Variants in BCL2 observed in about 807,000 individuals in gnomAD.
BCL2 encodes apoptosis regulator Bcl-2.
Under a neutral mutation model 14.2 loss-of-function variants are expected in BCL2, and 1 was observed. The observed-to-expected ratio is 0.07, with a 90% confidence interval of 0.02 to 0.33. The LOEUF (loss-of-function observed/expected upper bound fraction) is 0.33, where lower values mean the gene tolerates loss of function less well. Ranked by LOEUF, BCL2 falls within the 10% of genes least tolerant of loss-of-function variation. The probability of loss-of-function intolerance (pLI) is 0.99; values close to 1 mark genes in which losing one functional copy is unlikely to be tolerated. For synonymous variants in BCL2, 151 were observed against 137.2 expected, an observed-to-expected ratio of 1.10 and a Z score of -0.70; for missense variants, 247 against 305.9, an observed-to-expected ratio of 0.81 and a Z score of 1.44.
At chr18:63,193,659 CAT>C (rs1199937260) in intron 2 of BCL2, among the ~76,000 whole-genome samples, 2 of 150,976 alleles carry the variant, frequency 1.3e-5, no homozygotes, top group African/African-American at 4.9e-5. Flanking sequence ...TATACACATA[CAT>C]ATATATACAC....
chr18:63,164,081 C>A lies in BCL2; in HGVS notation c.586-35322G>T, dbSNP rs142010306. 6.6e-5 allele frequency among the ~76,000 whole-genome samples: 9 copies of A among 137,008 alleles called. No homozygotes were observed. In the East Asian group the frequency reaches 2.2e-3, roughly 34 times the overall value. The allele number at this position is 137,008 out of a possible 152,430, so 89.9% of individuals were successfully genotyped here. A position where few individuals can be genotyped will look rare whatever the true frequency, so the allele number is the denominator to read the frequency against. The stretch of plus-strand genomic sequence containing the variant: ...GAGATGTCATCTTCCAGGGAAGCTT[C>A]AGAAAGAAGTATGGTGGTGGTATGG... On this transcript the variant is annotated intron_variant, in intron 2 of 2. Transcript: ENST00000333681.
intron 2 of BCL2, among the ~76,000 whole-genome samples, chr18:63,288,211 A>T (rs1912530606): frequency 6.6e-6 from 1 of 152,234 alleles, no homozygotes; most frequent in East Asian, 1.9e-4. Context: ...ACAGATCCCT[A>T]CATGAAGATG....
chr18:63,152,107 A>G (rs1914665941), intron 2 of BCL2, among the ~76,000 whole-genome samples: 1 of 152,242 alleles, frequency 6.6e-6, no homozygotes, highest in African/African-American at 2.4e-5. Context: ...GTCTTTACTC[A>G]AAGCCAACCT....
intron 2 of BCL2, among the ~76,000 whole-genome samples, chr18:63,186,428 C>A (rs933225756): frequency 1.3e-5 from 2 of 152,186 alleles, no homozygotes; most frequent in African/African-American, 4.8e-5. Flanking sequence ...ACAATAAAAA[C>A]CATAGCATTT....
chr18:63,247,450 G>A (rs1380054538), intron 2 of BCL2, among the ~76,000 whole-genome samples: 1 of 151,936 alleles, frequency 6.6e-6, no homozygotes, highest in Non-Finnish European at 1.5e-5. Context: ...TGCCCACCTT[G>A]ACCTCCCAAA....
chr18:63,130,596 T>C (rs949237150), intron 2 of BCL2, among the ~76,000 whole-genome samples: 3 of 152,236 alleles, frequency 2.0e-5, no homozygotes, highest in African/African-American at 7.2e-5. Context: ...GAGGTAGTCT[T>C]GATGAGGATT....
chr18:63,229,461 G>A (rs11877925), intron 2 of BCL2, among the ~76,000 whole-genome samples: 39,046 of 151,982 alleles, frequency 0.26, 5,197 homozygotes, highest in East Asian at 0.32. Flanking sequence ...TGAAGGAGGA[G>A]GTGACTGGAT....
At chr18:63,285,997 T>C (rs1912461360) in intron 2 of BCL2, among the ~76,000 whole-genome samples, 1 of 152,222 alleles carries the variant, frequency 6.6e-6, no homozygotes, top group African/African-American at 2.4e-5. Context: ...AGGTTTTCAA[T>C]GCCCTTACTT....
In BCL2 at chr18:63,169,328, CT is replaced by C. The variant is rs1270624213; in HGVS notation, c.586-40570del. ...TCTTTCTTCCTTCCTTCCTTCTTTCCTTTCCTTCCTTTCTTTCTTTCTTTCT... is the reference window on the plus strand; with the variant it reads ...TCTTTCTTCCTTCCTTCCTTCTTTCCTTCCTTCCTTTCTTTCTTTCTTTCT... On this transcript the variant is annotated intron_variant, in intron 2 of 2. Coordinates refer to ENST00000333681, the MANE Select transcript of BCL2 (RefSeq NM_000633.3). Among the ~76,000 whole-genome samples the C allele has an allele frequency of 1.3e-3, 35 of 27,588 alleles. 1 individual carries two copies. The highest frequency in any genetic ancestry group is 3.4e-3 in the African/African-American group (14 of 4,082). 18.1% of individuals were successfully genotyped at this position (27,588 alleles called of 152,430 possible).
chr18:63,212,943 G>C (rs541892703), intron 2 of BCL2, among the ~76,000 whole-genome samples: 60 of 152,282 alleles, frequency 3.9e-4, no homozygotes, highest in Non-Finnish European at 4.4e-5. Flanking sequence ...CTGCAGGAAA[G>C]GAATGTGAGA....
chr18:63,212,770 G>A (rs1214004062), intron 2 of BCL2, among the ~76,000 whole-genome samples: 2 of 152,072 alleles, frequency 1.3e-5, no homozygotes, highest in Non-Finnish European at 2.9e-5. Flanking sequence ...CAGTTACTCA[G>A]GAGGCTGAGG....
At position 63,128,213 on chromosome 18, in the gene BCL2, C is replaced by T. The variant is rs1401690271; in HGVS notation, c.*412G>A. 20 of 234,182 alleles carry T rather than the reference C, an allele frequency of 8.5e-5. No individual in the cohort carries two copies. Among genetic ancestry groups the T allele is most frequent in the Non-Finnish European group, 1.7e-4 (20 of 118,534 alleles). 14.5% of individuals were successfully genotyped at this position (234,182 alleles called of 1,614,324 possible). The stretch of plus-strand genomic sequence containing the variant: ...CCAATGATCAGGTCCTTTTTCCATC[C>T]GTCTGCTCTTCAGATGGTGATCCGG... On this transcript the variant is annotated 3_prime_UTR_variant, in exon 3 of 3. Transcript: ENST00000333681.
At chr18:63,271,147 A>C (rs893213359) in intron 2 of BCL2, among the ~76,000 whole-genome samples, 4 of 152,240 alleles carry the variant, frequency 2.6e-5, no homozygotes, top group African/African-American at 9.6e-5. Flanking sequence ...TAAAACACCA[A>C]AATAGTTAGG....
chr18:63,208,198 C>A (rs1450059485), intron 2 of BCL2: 1 of 152,186 alleles, frequency 6.6e-6, no homozygotes, highest in Non-Finnish European at 1.5e-5. Context: ...ATTTTTAAAA[C>A]ACAAAGCACT....
At chr18:63,305,750 T>A (rs1377954341) in intron 2 of BCL2, among the ~76,000 whole-genome samples, 1 of 152,098 alleles carries the variant, frequency 6.6e-6, no homozygotes, top group Non-Finnish European at 1.5e-5. Flanking sequence ...ACCAGACAAT[T>A]TTTTAAAAGT....
intron 2 of BCL2, among the ~76,000 whole-genome samples, chr18:63,210,399 G>A (rs552051945): frequency 6.6e-6 from 1 of 152,140 alleles, no homozygotes; most frequent in Non-Finnish European, 1.5e-5. Flanking sequence ...TTACAAAATA[G>A]TGCATGAAAG....
rs1912237805 is a variant in BCL2 at position 63,279,103 on chromosome 18, CATAAG to C, written c.585+38974_585+38978del. On this transcript the variant is annotated intron_variant, in intron 2 of 2. Coordinates refer to ENST00000333681, the MANE Select transcript of BCL2 (RefSeq NM_000633.3). ...AAATGATACAACTTTTAGAAGTTAA[CATAAG>C]AGAAAATCTTCATGACTTTGGGATA... 3.3e-5 allele frequency among the ~76,000 whole-genome samples: 5 copies of C among 152,244 alleles called. No homozygotes were observed. In the South Asian group the frequency reaches 1.0e-3, roughly 32 times the overall value.
At chr18:63,273,419 C>T (rs779925755) in intron 2 of BCL2, among the ~76,000 whole-genome samples, 22 of 152,254 alleles carry the variant, frequency 1.4e-4, no homozygotes, top group Non-Finnish European at 2.9e-4. Context: ...CCTTCACAAG[C>T]AGTTCAAGGA....
chr18:63,202,778 T>A (rs1227636591), intron 2 of BCL2, among the ~76,000 whole-genome samples: 2 of 152,230 alleles, frequency 1.3e-5, no homozygotes, highest in African/African-American at 4.8e-5. Flanking sequence ...TAAACATCTT[T>A]ATATTCACCT....
Sources: allele counts gnomAD v4.1 joint callset (sites outside exome capture counted in the v4.1 genomes callset), GRCh38; gene constraint gnomAD v4.1.1; transcripts MANE v1.5; gene names NCBI Gene and HGNC (gene_info 2026-07-23, HGNC 2026-07-21).